The following CTSH variants were observed in gnomAD, a reference collection of about 807,000 sequenced individuals.
CTSH encodes the protein cathepsin H, also known as pro-cathepsin H.
Under a neutral mutation model 56.3 loss-of-function variants are expected in CTSH, and 52 were observed. The observed-to-expected ratio is 0.92, with a 90% CI of 0.74 to 1.16. CTSH has a LOEUF of 1.16. CTSH is among the 50% of genes most tolerant of loss of function. The pLI, the probability that CTSH is intolerant of heterozygous loss-of-function variation, is 0.00. For missense variants in CTSH, 406 were observed against 424.5 expected, an observed-to-expected ratio of 0.96 and a Z score of 0.38; for synonymous variants, 174 against 155.7, an observed-to-expected ratio of 1.12 and a Z score of -0.88.
intron 5 of CTSH, among the ~76,000 whole-genome samples, chr15:78,934,224 G>C (rs2055124913): frequency 6.6e-6 from 1 of 152,192 alleles, no homozygotes; most frequent in African/African-American, 2.4e-5. Context: ...TGGCTTTTTG[G>C]AAAGTGAAAA....
chr15:78,927,507 G>A (rs944531526), intron 9 of CTSH: 4 of 568,048 alleles, frequency 7.0e-6, no homozygotes, highest in Admixed American at 3.1e-5. Context: ...TTCAGAACCA[G>A]AGGGCCTGCC....
chr15:78,929,359 G>T, intron 8 of CTSH, 53 bp downstream of exon 8: 1 of 1,387,362 alleles, frequency 7.2e-7, no homozygotes, highest in Non-Finnish European at 1.0e-6. Flanking sequence ...GGGAGGGAGT[G>T]AAGCTAGGCA....
chr15:78,941,779 G>C (rs1406098513), intron 1 of CTSH, among the ~76,000 whole-genome samples: 1 of 135,330 alleles, frequency 7.4e-6, no homozygotes, highest in Admixed American at 8.1e-5. Flanking sequence ...CTGGGCGACA[G>C]AATGAGACTC....
chr15:78,935,530 G>A (rs1034005509), intron 4 of CTSH, 150 bp downstream of exon 4: 7 of 631,810 alleles, frequency 1.1e-5, no homozygotes, highest in Admixed American at 5.9e-5. Context: ...GCTGAGAGCT[G>A]ACTCTTCTGG....
chr15:78,922,596 C>A lies in CTSH; in HGVS notation c.933-391G>T, dbSNP rs137937605. On this transcript the variant is annotated intron_variant, in intron 11 of 11. Transcript: ENST00000220166. ...GGCACAGCAGCATATACACCCAGGC[C>A]GCCCCATGCCAGCCTTTTCTCCCGG... Among the ~76,000 whole-genome samples the A allele has an allele frequency of 7.7e-3, 1,170 of 152,282 alleles. 18 individuals carry two copies. The highest frequency in any genetic ancestry group is 0.027 in the African/African-American group (1,139 of 41,560).
chr15:78,929,350 G>C, intron 8 of CTSH, 62 bp downstream of exon 8: 1 of 1,268,608 alleles, frequency 7.9e-7, no homozygotes, highest in Non-Finnish European at 1.1e-6. Flanking sequence ...CCAAGGCTGG[G>C]GAGGGAGTGA....
At chr15:78,939,441 G>C (rs1172328162) in intron 1 of CTSH, among the ~76,000 whole-genome samples, 1 of 152,196 alleles carries the variant, frequency 6.6e-6, no homozygotes, top group Non-Finnish European at 1.5e-5. Flanking sequence ...GGTGCAGAAA[G>C]CACTTCCGGG....
intron 6 of CTSH, chr15:78,931,813 C>T (rs765894848): frequency 2.3e-6 from 3 of 1,327,990 alleles, no homozygotes; most frequent in Middle Eastern, 3.0e-4. Flanking sequence ...AGTGTGGGGT[C>T]CCACAGCGGT....
At chr15:78,940,800 A>C in intron 1 of CTSH, among the ~76,000 whole-genome samples, 1 of 152,104 alleles carries the variant, frequency 6.6e-6, no homozygotes. Flanking sequence ...CTCCACTAAA[A>C]ATACAAAAAT....
At chr15:78,922,961 C>T (rs2054807371) in intron 11 of CTSH, 32 bp downstream of exon 11, 3 of 1,590,312 alleles carry the variant, frequency 1.9e-6, no homozygotes, top group Non-Finnish European at 2.6e-6. Flanking sequence ...GCAACATCCC[C>T]CTCCCAGAAG....
chr15:78,929,590 TG>T (rs1326526765), intron 7 of CTSH, 97 bp from the exon 8 acceptor site: 16 of 774,772 alleles, frequency 2.1e-5, no homozygotes, highest in Admixed American at 2.9e-5. Context: ...CCTGGCAGGC[TG>T]GGGACTTGGT....
At chr15:78,938,300 T>C (rs928035981) in intron 2 of CTSH, among the ~76,000 whole-genome samples, 13 of 151,684 alleles carry the variant, frequency 8.6e-5, no homozygotes, top group African/African-American at 2.9e-4. Context: ...ACCCAGAAGG[T>C]GGAGGTTGCA....
At chr15:78,923,249 G>C in intron 10 of CTSH, 131 bp from the exon 11 acceptor site, 2 of 950,160 alleles carry the variant, frequency 2.1e-6, no homozygotes, top group South Asian at 3.0e-5. Flanking sequence ...CATGTAAGGT[G>C]GTGATGTAAT....
Position 78,925,231 on chromosome 15 carries a change from C to T in CTSH, c.806+103G>A, listed in dbSNP as rs2054876914. Reference sequence around the variant, plus strand: ...GGCAGGTGTCATGAAGGGTCTGACACACAGGAGTCTGGGCCACGAGCCCAA... The same window carrying T: ...GGCAGGTGTCATGAAGGGTCTGACATACAGGAGTCTGGGCCACGAGCCCAA... On this transcript the variant is annotated intron_variant, in intron 10 of 11. Transcript: ENST00000220166. 6 of 721,688 alleles carry T rather than the reference C, an allele frequency of 8.3e-6. No individual in the cohort carries two copies. The East Asian group carries it at 1.1e-4, about 13-fold the overall frequency. The allele number at this position is 721,688 out of a possible 1,614,324, so 44.7% of individuals were successfully genotyped here. A position where few individuals can be genotyped will look rare whatever the true frequency, so the allele number is the denominator to read the frequency against.
At chr15:78,922,389 T>C (rs1029867585) in intron 11 of CTSH, among the ~76,000 whole-genome samples, 184 bp from the exon 12 acceptor site, 3 of 152,208 alleles carry the variant, frequency 2.0e-5, no homozygotes, top group African/African-American at 7.2e-5. Context: ...GAAGAATTCA[T>C]TCTTCCCTCT....
At chr15:78,941,677 T>A (rs1053416166) in intron 1 of CTSH, among the ~76,000 whole-genome samples, 18 of 151,286 alleles carry the variant, frequency 1.2e-4, no homozygotes, top group African/African-American at 4.1e-4. Context: ...GCGCCTGCAG[T>A]CCCAGCTACT....
rs1283111356 is a variant in CTSH, at chr15:78,944,565, T to C, written c.91+326A>G. The C allele has an allele frequency of 1.5e-5, 4 of 258,770 alleles. No homozygotes were observed. In the Admixed American group the frequency reaches 2.1e-4, roughly 14 times the overall value. 16.0% of individuals were successfully genotyped at this position (258,770 alleles called of 1,614,324 possible). ...CTGGCAGGGACAGATCAGAGTCCTC[T>C]GTGTGACACTCTGTGTCCCCAGTTG... On this transcript the variant is annotated intron_variant, in intron 1 of 11. Transcript: ENST00000220166.
chr15:78,923,026 T>C lies in CTSH; in HGVS notation c.899A>G (p.Lys300Arg). The change falls in exon 11 of 12, where the codon AAA becomes AGA. Residue 300 changes from lysine to arginine, a missense_variant. Transcript: ENST00000220166. The stretch of plus-strand genomic sequence containing the variant: ...TCCCCACTGGGGACCCCAAGAGTTT[T>C]TCACGATCCAGTAAGGGATCCCATT... Reference protein sequence around the residue: ...EKNGIPYWIVKNSWGPQWGMN... With the variant: ...EKNGIPYWIVRNSWGPQWGMN... 6.2e-7 allele frequency: 1 copy of C among 1,612,870 alleles called. No homozygotes were observed. The highest frequency in any genetic ancestry group is 8.5e-7 in the Non-Finnish European group (1 of 1,179,580).
At chr15:78,923,812 A>T (rs989508246) in intron 10 of CTSH, among the ~76,000 whole-genome samples, 12 of 152,298 alleles carry the variant, frequency 7.9e-5, no homozygotes, top group African/African-American at 2.9e-4. Flanking sequence ...CAAAAATACA[A>T]CTTTTTCTGT....
Sources: gnomAD v4.1 joint callset for allele counts (sites outside exome capture counted in the v4.1 genomes callset) on GRCh38, gnomAD v4.1.1 for gene constraint, MANE v1.5 for transcripts, NCBI Gene and HGNC (gene_info 2026-07-23, HGNC 2026-07-21) for gene names.